RBFOX1: variants seen among roughly 807,000 people sequenced by gnomAD.
The protein encoded by RBFOX1 is RNA binding fox-1 homolog 1.
A neutral mutation model predicts 57.7 loss-of-function variants in RBFOX1; 8 were observed. That is an observed-to-expected ratio of 0.14 (90% CI 0.08 to 0.25). The LOEUF is 0.25. RBFOX1 is among the 10% of genes least tolerant of loss of function. The pLI is 1.00. For missense variants in RBFOX1, 611 were observed against 548.5 expected, an observed-to-expected ratio of 1.11 and a Z score of -1.14; for synonymous variants, 326 against 222.4, an observed-to-expected ratio of 1.47 and a Z score of -4.15.
chr16:5,822,124 G>C (rs1427899709), intron 3 of RBFOX1, among the ~76,000 whole-genome samples: 1 of 152,206 alleles, frequency 6.6e-6, no homozygotes, highest in Non-Finnish European at 1.5e-5. Context: ...TGAATTAACA[G>C]CATTTGCAAT....
chr16:5,547,298 G>A (rs2045249878), intron 2 of RBFOX1, among the ~76,000 whole-genome samples: 1 of 152,194 alleles, frequency 6.6e-6, no homozygotes, highest in Non-Finnish European at 1.5e-5. Flanking sequence ...CAACACACAT[G>A]TGCATGAACA....
chr16:6,211,228 C>CTTTTT (rs990122299), intron 1 of RBFOX1, among the ~76,000 whole-genome samples: 1 of 96,846 alleles, frequency 1.0e-5, no homozygotes, highest in African/African-American at 3.6e-5. Context: ...ATCTAGTTAA[C>CTTTTT]TTTTTTTTTT....
chr16:6,876,027 A>T (rs979111916), intron 3 of RBFOX1, among the ~76,000 whole-genome samples: 1 of 151,830 alleles, frequency 6.6e-6, no homozygotes, highest in African/African-American at 2.4e-5. Flanking sequence ...AAAAAAAATA[A>T]GCAGGCATAG....
intron 2 of RBFOX1, chr16:6,483,592 AAG>A: frequency 7.2e-7 from 1 of 1,393,022 alleles, no homozygotes; most frequent in Non-Finnish European, 9.5e-7. Context: ...GAAGGAGAGA[AAG>A]AGGGAGAGAG....
chr16:6,862,627 G>C (rs78956904), intron 3 of RBFOX1, among the ~76,000 whole-genome samples: 4,327 of 152,256 alleles, frequency 0.028, 219 homozygotes, highest in East Asian at 0.21. Context: ...TGAAGTACAG[G>C]ACACAAATGG....
intron 4 of RBFOX1, among the ~76,000 whole-genome samples, chr16:7,351,316 T>A (rs905584225): frequency 6.6e-6 from 1 of 152,260 alleles, no homozygotes; most frequent in Non-Finnish European, 1.5e-5. Flanking sequence ...AGAAAGGTTA[T>A]TACGCATTGA....
In RBFOX1 at chr16:5,591,033, G is replaced by A. The variant is rs771685597; in HGVS notation, c.259-7869G>A. On this transcript the variant is annotated intron_variant, in intron 2 of 2. Transcript: ENST00000585867. ...AGCTAAACATTTTTTTTTTTTTTTCGGAAAATGGCAAGAAATGAAGCCTTA... is the reference window on the plus strand; with the variant it reads ...AGCTAAACATTTTTTTTTTTTTTTCAGAAAATGGCAAGAAATGAAGCCTTA... 9.4e-4 allele frequency among the ~76,000 whole-genome samples: 139 copies of A among 148,064 alleles called. 1 individual carries two copies. The highest frequency in any genetic ancestry group is 3.1e-3 in the African/African-American group (123 of 40,184).
At chr16:7,538,918 C>A (rs577723119) in intron 5 of RBFOX1, among the ~76,000 whole-genome samples, 3 of 138,714 alleles carry the variant, frequency 2.2e-5, no homozygotes, top group Non-Finnish European at 4.6e-5. Context: ...GCATGGAGTT[C>A]TATGGTCAAT....
At chr16:7,013,731 C>T (rs955631753) in intron 3 of RBFOX1, among the ~76,000 whole-genome samples, 2 of 152,170 alleles carry the variant, frequency 1.3e-5, no homozygotes, top group African/African-American at 2.4e-5. Context: ...AATCACTGCT[C>T]ACTGCAGCCT....
chr16:7,223,886 G>T (rs563483147), intron 4 of RBFOX1, among the ~76,000 whole-genome samples: 1 of 151,766 alleles, frequency 6.6e-6, no homozygotes, highest in African/African-American at 2.4e-5. Flanking sequence ...TGGCTGGTTG[G>T]TGAGCATACC....
chr16:7,440,902 G>A (rs1230090124), intron 4 of RBFOX1, among the ~76,000 whole-genome samples: 1 of 152,230 alleles, frequency 6.6e-6, no homozygotes, highest in African/African-American at 2.4e-5. Flanking sequence ...AGCCTGGCAT[G>A]GTTGTGCACA....
chr16:6,671,541 C>T (rs768624231), intron 3 of RBFOX1, among the ~76,000 whole-genome samples: 10 of 152,114 alleles, frequency 6.6e-5, no homozygotes, highest in Non-Finnish European at 1.5e-4. Flanking sequence ...TGAGTTTGGG[C>T]AAGTTCCTTA....
chr16:5,527,780 G>C (rs1231954546), intron 2 of RBFOX1, among the ~76,000 whole-genome samples: 1 of 152,122 alleles, frequency 6.6e-6, no homozygotes, highest in Non-Finnish European at 1.5e-5. Flanking sequence ...GACGATCTTT[G>C]AGAGGCCTCC....
chr16:7,288,571 T>G (rs1387217397), intron 4 of RBFOX1, among the ~76,000 whole-genome samples: 1 of 152,206 alleles, frequency 6.6e-6, no homozygotes, highest in Non-Finnish European at 1.5e-5. Flanking sequence ...CGGAGAGCAG[T>G]GGCTCACACC....
intron 1 of RBFOX1, among the ~76,000 whole-genome samples, chr16:5,418,100 A>AAC (rs2067209412): frequency 1.3e-5 from 2 of 152,060 alleles, no homozygotes; most frequent in African/African-American, 4.8e-5. Context: ...CAACAACAAC[A>AAC]ACAAATCTGT....
intron 2 of RBFOX1, among the ~76,000 whole-genome samples, chr16:5,594,810 T>C (rs1216199901): frequency 6.6e-6 from 1 of 151,970 alleles, no homozygotes; most frequent in Admixed American, 6.6e-5. Context: ...TATTTTACTT[T>C]TACATGTCTA....
intron 3 of RBFOX1, among the ~76,000 whole-genome samples, chr16:6,679,053 C>G (rs999574141): frequency 1.3e-5 from 2 of 151,956 alleles, no homozygotes; most frequent in African/African-American, 4.8e-5. Context: ...TCTCTAACAC[C>G]TCTCTAACCC....
At chr16:7,567,499 CCCTAT>C (rs1443785511) in intron 5 of RBFOX1, among the ~76,000 whole-genome samples, 5 of 55,708 alleles carry the variant, frequency 9.0e-5, no homozygotes, top group East Asian at 4.7e-4. Flanking sequence ...ATATGTATAT[CCCTAT>C]GTATGGCCCT....
At chr16:6,140,928 C>T (rs1475682973) in intron 1 of RBFOX1, among the ~76,000 whole-genome samples, 1 of 152,206 alleles carries the variant, frequency 6.6e-6, no homozygotes, top group African/African-American at 2.4e-5. Flanking sequence ...AGGGACACTC[C>T]AGTGGTCAAT....
Sources: allele counts gnomAD v4.1 joint callset (sites outside exome capture counted in the v4.1 genomes callset), GRCh38; gene constraint gnomAD v4.1.1; transcripts MANE v1.5; gene names NCBI Gene and HGNC (gene_info 2026-07-23, HGNC 2026-07-21).